Variants in LRRC53 observed in about 807,000 individuals in gnomAD.
LRRC53 encodes the protein leucine-rich repeat-containing protein 53.
A neutral mutation model predicts 13.6 loss-of-function variants in LRRC53; 25 were observed. That is an observed-to-expected ratio of 1.83 (90% CI 1.34 to 2.56). The LOEUF (loss-of-function observed/expected upper bound fraction) is 2.56, where lower values mean the gene tolerates loss of function less well. Among genes scored for constraint, LRRC53 ranks in the 30% most tolerant of loss-of-function variants. LRRC53 has a pLI of 0.00. For missense variants in LRRC53, 527 were observed against 275.8 expected, an observed-to-expected ratio of 1.91 and a Z score of -6.45; for synonymous variants, 204 against 109.8, an observed-to-expected ratio of 1.86 and a Z score of -5.37.
In LRRC53 at chr1:74,475,635, C is replaced by T; in HGVS notation, c.1080G>A (p.Gln360=). 1 of 717,150 alleles carries T rather than the reference C, an allele frequency of 1.4e-6. No homozygotes were observed. The highest frequency in any genetic ancestry group is 2.6e-6 in the Non-Finnish European group (1 of 384,898). 44.4% of individuals were successfully genotyped at this position (717,150 alleles called of 1,614,324 possible). The change falls in exon 4 of 5, where the codon CAG becomes CAA. Residue 360 remains glutamine (Q), a synonymous_variant. Coordinates refer to ENST00000294635, the MANE Select transcript of LRRC53 (RefSeq NM_001382280.1). ...TGGACATGACCTTTATCTCGTTTTC[C>T]TGAGTTAAGTGGCAGTTGCAGTATC... The part of the protein sequence containing the change: ...TKGYCNCHLT[Q]ENEIKVMSTV...
At position 74,485,957 on chromosome 1, in the gene LRRC53, G is replaced by A. The variant is rs75538457; in HGVS notation, c.-26-2582C>T. The stretch of plus-strand genomic sequence containing the variant: ...AGTGCCTGCTGACTCCTTGATTTCA[G>A]CCTAGTGAAACTCTGAGCAAAGGAC... On this transcript the variant is annotated intron_variant, in intron 1 of 4. Coordinates refer to ENST00000294635, the MANE Select transcript of LRRC53 (RefSeq NM_001382280.1). Among the ~76,000 whole-genome samples, 878 of 152,270 alleles carry A rather than the reference G, an allele frequency of 5.8e-3. 4 individuals carry two copies. Among genetic ancestry groups the A allele is most frequent in the African/African-American group, 0.02 (833 of 41,566 alleles).
chr1:74,475,434 C>A lies in LRRC53; in HGVS notation c.1281G>T (p.Glu427Asp). The change falls in exon 4 of 5, where the codon GAG (glutamate) becomes GAT (aspartate). Residue 427 changes from glutamate (E) to aspartate (D), a missense_variant. Coordinates refer to ENST00000294635, the MANE Select transcript of LRRC53 (RefSeq NM_001382280.1). The stretch of plus-strand genomic sequence containing the variant: ...TAAAAGCTCTCATATTTCCAGGAGG[C>A]TCTGAACATTCCGAATGCAGCAATC... ...DGRLLHSECS[E>D]PPGNMRAFNE... 2.8e-6 allele frequency: 2 copies of A among 717,094 alleles called. No homozygotes were observed. The highest frequency in any genetic ancestry group is 1.5e-5 in the South Asian group (1 of 67,570). 44.4% of individuals were successfully genotyped at this position (717,094 alleles called of 1,614,324 possible). A position where few individuals can be genotyped will look rare whatever the true frequency, so the allele number is the denominator to read the frequency against.
chr1:74,469,818 T>G lies in LRRC53; in HGVS notation c.*60A>C. ...AATGCATGCAAAGGCTAGTGGGTGT[T>G]TGTCCTCTTGAAGAAAGCTAAAGTA... On this transcript the variant is annotated 3_prime_UTR_variant, in exon 5 of 5. Coordinates refer to ENST00000294635, the MANE Select transcript of LRRC53 (RefSeq NM_001382280.1). 2.5e-6 allele frequency: 1 copy of G among 399,722 alleles called. No homozygotes were observed. Among genetic ancestry groups the G allele is most frequent in the Non-Finnish European group, 4.4e-6 (1 of 225,704 alleles). 24.8% of individuals were successfully genotyped at this position (399,722 alleles called of 1,614,324 possible).
intron 1 of LRRC53, among the ~76,000 whole-genome samples, chr1:74,504,553 T>G (rs887211456): frequency 2.0e-5 from 3 of 152,064 alleles, no homozygotes; most frequent in African/African-American, 7.2e-5. Flanking sequence ...CAAAATATTC[T>G]GTTCAAAAGA....
chr1:74,522,121 A>T, the LRRC53 span, among the ~76,000 whole-genome samples: 178 of 150,914 alleles, frequency 1.2e-3, no homozygotes, highest in African/African-American at 3.9e-3. Flanking sequence ...TGTTCTTTTT[A>T]AAAAAAATCT....
chr1:74,481,606 C>T (rs1668508519), intron 2 of LRRC53, among the ~76,000 whole-genome samples: 1 of 152,166 alleles, frequency 6.6e-6, no homozygotes, highest in East Asian at 1.9e-4. Flanking sequence ...TCTTGGCCTC[C>T]TGTCTAATAT....
chr1:74,509,499 T>A (rs1280941759), intron 1 of LRRC53, among the ~76,000 whole-genome samples: 5 of 152,188 alleles, frequency 3.3e-5, no homozygotes, highest in Admixed American at 6.5e-5. Context: ...CATTTTATTT[T>A]AAAAATTGTC....
the LRRC53 span, among the ~76,000 whole-genome samples, chr1:74,519,465 T>C: frequency 7.9e-6 from 1 of 126,532 alleles, no homozygotes; most frequent in African/African-American, 4.3e-5. Flanking sequence ...CACACTGACT[T>C]CCACAATGGT....
the LRRC53 span, among the ~76,000 whole-genome samples, chr1:74,526,097 T>C: frequency 4.6e-5 from 7 of 152,324 alleles, no homozygotes; most frequent in Non-Finnish European, 1.0e-4. Context: ...CCTTAGGGTA[T>C]TTCAAATGGT....
chr1:74,524,682 A>G, the LRRC53 span, among the ~76,000 whole-genome samples: 1 of 152,170 alleles, frequency 6.6e-6, no homozygotes, highest in Admixed American at 6.5e-5. Flanking sequence ...CAAATAAAAC[A>G]CAGAAAATAA....
At chr1:74,476,925 G>C (rs1261396148) in intron 3 of LRRC53, among the ~76,000 whole-genome samples, 1 of 152,078 alleles carries the variant, frequency 6.6e-6, no homozygotes, top group East Asian at 1.9e-4. Context: ...GAGAATAGCA[G>C]TTTCTGGTAA....
chr1:74,505,290 A>T (rs950570081), intron 1 of LRRC53, among the ~76,000 whole-genome samples: 1 of 152,198 alleles, frequency 6.6e-6, no homozygotes, highest in African/African-American at 2.4e-5. Flanking sequence ...AATTAAATCT[A>T]TACAGGCAGC....
chr1:74,513,409 T>A (rs1218634836), upstream of LRRC53, among the ~76,000 whole-genome samples: 1 of 152,200 alleles, frequency 6.6e-6, no homozygotes, highest in East Asian at 1.9e-4. Flanking sequence ...ATGACTGTCT[T>A]TGCAATGTTC....
intron 1 of LRRC53, 81 bp downstream of exon 1, chr1:74,512,443 CTT>C (rs1670277602): frequency 6.6e-6 from 1 of 152,130 alleles, no homozygotes; most frequent in African/African-American, 2.4e-5. Context: ...AAGTCTGTCT[CTT>C]TAAATGGTGA....
chr1:74,531,918 G>T, the LRRC53 span, among the ~76,000 whole-genome samples: 1 of 152,294 alleles, frequency 6.6e-6, no homozygotes, highest in East Asian at 1.9e-4. Flanking sequence ...GCCTTAAATG[G>T]TGTTGCCTTA....
Position 74,470,580 on chromosome 1 carries a change from G to C in LRRC53, c.3042C>G (p.Ser1014=). 2.5e-6 allele frequency: 1 copy of C among 400,560 alleles called. No individual in the cohort carries two copies. The highest frequency in any genetic ancestry group is 3.6e-5 in the East Asian group (1 of 28,056). The allele number at this position is 400,560 out of a possible 1,614,324, so 24.8% of individuals were successfully genotyped here. ...YDSSLIPQTQ[S]KNNLSFMKTN... ...TCTTCATAAATGATAGGTTGTTCTT[G>C]GATTGTGTTTGGGGAATGAGAGAGG... Residue 1014 remains serine (S), a synonymous_variant, in exon 5 of 5, where the codon TCC becomes TCG. Coordinates refer to ENST00000294635, the MANE Select transcript of LRRC53 (RefSeq NM_001382280.1).
At chr1:74,478,893 G>GACATAGTTA (rs1391496206) in intron 3 of LRRC53, among the ~76,000 whole-genome samples, 2 of 152,084 alleles carry the variant, frequency 1.3e-5, no homozygotes, top group Non-Finnish European at 2.9e-5. Context: ...TACAATTACT[G>GACATAGTTA]ACATAGTTAC....
intron 2 of LRRC53, among the ~76,000 whole-genome samples, chr1:74,481,623 C>A (rs1668509420): frequency 6.6e-6 from 1 of 152,164 alleles, no homozygotes; most frequent in South Asian, 2.1e-4. Context: ...ATATCTGTTC[C>A]CTCCAATGAA....
chr1:74,497,988 G>A (rs959182194), intron 1 of LRRC53, among the ~76,000 whole-genome samples: 1 of 151,886 alleles, frequency 6.6e-6, no homozygotes, highest in African/African-American at 2.4e-5. Context: ...AGGCTTTTTT[G>A]TTTGTTTGTT....
Sources: gnomAD v4.1 joint callset for allele counts (sites outside exome capture counted in the v4.1 genomes callset) on GRCh38, gnomAD v4.1.1 for gene constraint, MANE v1.5 for transcripts, NCBI Gene and HGNC (gene_info 2026-07-23, HGNC 2026-07-21) for gene names.